The following C19orf47 variants were observed in gnomAD, a reference collection of about 807,000 sequenced individuals.
C19orf47 encodes the protein uncharacterized protein C19orf47.
A neutral mutation model predicts 32.3 loss-of-function variants in C19orf47; 18 were observed. The ratio of observed to expected loss-of-function variants is 0.56; its 90% confidence interval spans 0.39 to 0.83. The LOEUF (loss-of-function observed/expected upper bound fraction) is 0.83. Among genes scored for constraint, C19orf47 ranks in the 40% least tolerant of loss-of-function variants. The pLI is 0.00. For synonymous variants in C19orf47, 202 were observed against 211.1 expected (o/e 0.96, Z 0.37); for missense variants, 484 against 531.6 (o/e 0.91, Z 0.88).
intron 5 of C19orf47, among the ~76,000 whole-genome samples, chr19:40,328,921 G>C (rs2145551747): frequency 6.6e-6 from 1 of 152,208 alleles, no homozygotes; most frequent in East Asian, 1.9e-4. Flanking sequence ...CGCTTCCTCA[G>C]GGTCCCTGCT....
the C19orf47 span, among the ~76,000 whole-genome samples, chr19:40,306,862 C>T: frequency 7.6e-3 from 1,102 of 144,874 alleles, 19 homozygotes; most frequent in African/African-American, 0.027. Flanking sequence ...GATCTCGGCT[C>T]ACTGCAGGCT....
chr19:40,335,056 G>C (rs1183596835), intron 4 of C19orf47, among the ~76,000 whole-genome samples: 1 of 143,866 alleles, frequency 7.0e-6, no homozygotes, highest in African/African-American at 2.6e-5. Flanking sequence ...GAGGGAGGGA[G>C]GGAGGAAGGG....
chr19:40,322,824 C>G (rs577683894), intron 8 of C19orf47, among the ~76,000 whole-genome samples: 10 of 152,344 alleles, frequency 6.6e-5, no homozygotes, highest in Non-Finnish European at 1.5e-4. Flanking sequence ...AGCCTCAGCG[C>G]TGCCCGCATG....
At chr19:40,332,121 G>A (rs1206800372) in intron 5 of C19orf47, among the ~76,000 whole-genome samples, 1 of 152,054 alleles carries the variant, frequency 6.6e-6, no homozygotes, top group Admixed American at 6.6e-5. Flanking sequence ...ACTTTGGGAG[G>A]CTGAGGCAGG....
the C19orf47 span, among the ~76,000 whole-genome samples, chr19:40,304,475 G>C: frequency 8.5e-5 from 13 of 152,146 alleles, no homozygotes; most frequent in Admixed American, 5.2e-4. Flanking sequence ...ACCACGCCCA[G>C]ATCTATTCTT....
chr19:40,338,805 A>G (rs2078121353), intron 2 of C19orf47, among the ~76,000 whole-genome samples: 1 of 152,240 alleles, frequency 6.6e-6, no homozygotes, highest in South Asian at 2.1e-4. Context: ...GGCATGCACC[A>G]TAACACCCTG....
chr19:40,342,034 G>C, intron 1 of C19orf47, 144 bp from the exon 2 acceptor site: 1 of 1,471,552 alleles, frequency 6.8e-7, no homozygotes, highest in Non-Finnish European at 9.0e-7. Flanking sequence ...GCAGCTGGCA[G>C]GAAGTCAGCC....
rs1201309056 is a variant in C19orf47 at position 40,321,701 on chromosome 19, C to T, written c.*181G>A. 1.2e-5 allele frequency: 17 copies of T among 1,418,114 alleles called. No homozygotes were observed. The highest frequency in any genetic ancestry group is 5.8e-5 in the African/African-American group (4 of 69,342). The allele number at this position is 1,418,114 out of a possible 1,614,324, so 87.8% of individuals were successfully genotyped here. A position where few individuals can be genotyped will look rare whatever the true frequency, so the allele number is the denominator to read the frequency against. ...CTGGAGCAGGCCAGGCCAGCTGCGA[C>T]GACCATCCCAGGCTAGGAGAAATGG... On this transcript the variant is annotated 3_prime_UTR_variant, in exon 9 of 9. Transcript: ENST00000683109.
At chr19:40,343,489 A>AT (rs1454572396) in intron 1 of C19orf47, 1 of 152,222 alleles carries the variant, frequency 6.6e-6, no homozygotes, top group African/African-American at 2.4e-5. Context: ...GAGGACTGCT[A>AT]TAAGGGCTGG....
the C19orf47 span, among the ~76,000 whole-genome samples, chr19:40,306,033 C>G: frequency 6.6e-6 from 1 of 151,712 alleles, no homozygotes; most frequent in East Asian, 1.9e-4. Flanking sequence ...CGCCTGTAAT[C>G]CCAGCTACTG....
At chr19:40,342,091 C>T in intron 1 of C19orf47, 1 of 981,070 alleles carries the variant, frequency 1.0e-6, no homozygotes, top group Non-Finnish European at 1.2e-6. Context: ...TGAGACAAGG[C>T]CCAGGGACAG....
the C19orf47 span, among the ~76,000 whole-genome samples, chr19:40,297,124 AAT>A: frequency 1.3e-5 from 2 of 152,226 alleles, no homozygotes; most frequent in Non-Finnish European, 2.9e-5. Context: ...AAACTAGTTT[AAT>A]ATTGTTGGTT....
the C19orf47 span, among the ~76,000 whole-genome samples, chr19:40,300,016 G>A: frequency 2.7e-5 from 4 of 150,298 alleles, no homozygotes; most frequent in Non-Finnish European, 4.4e-5. Context: ...GTAACAGAGC[G>A]AAACTCCATC....
chr19:40,301,313 T>A, the C19orf47 span, among the ~76,000 whole-genome samples: 35 of 140,192 alleles, frequency 2.5e-4, no homozygotes, highest in African/African-American at 9.3e-4. Context: ...CTTGAGAGGC[T>A]TTTATTTATT....
Position 40,333,873 on chromosome 19 carries a change from G to A in C19orf47, c.279C>T (p.Gly93=), listed in dbSNP as rs746475267. Residue 93 remains glycine (G), a synonymous_variant, in exon 5 of 9, where the codon GGC becomes GGT. Coordinates refer to ENST00000683109, the MANE Select transcript of C19orf47 (RefSeq NM_001256441.2). ...SVPCSPSPLA[G]EIRRGTSAAS... is the part of the protein sequence containing the mutation. The stretch of plus-strand genomic sequence containing the variant: ...CACCACTGGTGCCACGGCGAATTTC[G>A]CCTGCAAGGGGGCTAGGGCTGCAGG... 16 of 1,577,958 alleles carry A rather than the reference G, an allele frequency of 1.0e-5. No individual in the cohort carries two copies. The highest frequency in any genetic ancestry group is 1.2e-5 in the South Asian group (1 of 86,288).
chr19:40,336,022 T>C, intron 4 of C19orf47, 88 bp downstream of exon 4: 1 of 1,239,242 alleles, frequency 8.1e-7, no homozygotes, highest in Non-Finnish European at 1.2e-6. Flanking sequence ...TCGGCCTGCC[T>C]CTGCTGCCAG....
chr19:40,319,231 T>C (rs563388717), downstream of C19orf47, among the ~76,000 whole-genome samples: 553 of 151,772 alleles, frequency 3.6e-3, 2 homozygotes, highest in South Asian at 6.9e-3. Context: ...GATCATGACA[T>C]TGTCCTCCAG....
rs763408365 is a variant in C19orf47, at chr19:40,336,339, C to T, written c.88G>A (p.Val30Met). 2.3e-5 allele frequency: 37 copies of T among 1,614,180 alleles called. No homozygotes were observed. The highest frequency in any genetic ancestry group is 1.6e-4 in the Middle Eastern group (1 of 6,062). ...CCTCACCTATTATCCACAAACATCACGGCATAATTGACGGCAGGTCCTGGA... is the reference window on the plus strand; with the variant it reads ...CCTCACCTATTATCCACAAACATCATGGCATAATTGACGGCAGGTCCTGGA... ...IPPGPAVNYA[V>M]MFVDNRIQKS... Residue 30 changes from valine to methionine, a missense_variant, in exon 3 of 9, where the codon GTG becomes ATG. By Grantham distance (21) the Val-to-Met change is conservative. This residue lies in a region of C19orf47 where 57 missense variants were observed against 86.9 expected (regional missense o/e 0.66). Coordinates refer to ENST00000683109, the MANE Select transcript of C19orf47 (RefSeq NM_001256441.2).
At chr19:40,331,374 G>A (rs937525583) in intron 5 of C19orf47, among the ~76,000 whole-genome samples, 33 of 152,342 alleles carry the variant, frequency 2.2e-4, no homozygotes, top group African/African-American at 7.5e-4. Context: ...ATGTGAATGC[G>A]GCCGTCAACC....
Sources: gnomAD v4.1 joint callset for allele counts (sites outside exome capture counted in the v4.1 genomes callset) on GRCh38, gnomAD v4.1.1 for gene constraint, gnomAD v4.1.1 regional missense constraint, MANE v1.5 for transcripts, NCBI Gene and HGNC (gene_info 2026-07-23, HGNC 2026-07-21) for gene names.